Variants in LIMS1 observed in about 807,000 individuals in gnomAD.
LIMS1 encodes LIM zinc finger domain containing 1, also known as LIM and senescent cell antigen-like-containing domain protein 1.
LIMS1 carries 18 observed loss-of-function variants against 44.1 expected under a neutral mutation model. That is an observed-to-expected ratio of 0.41 (90% CI 0.28 to 0.61). The LOEUF is 0.61. Among genes scored for constraint, LIMS1 ranks in the 20% least tolerant of loss-of-function variants. The pLI, the probability that LIMS1 is intolerant of heterozygous loss-of-function variation, is 0.32. For missense variants in LIMS1, 201 were observed against 422.0 expected (o/e 0.48, Z 4.59); for synonymous variants, 93 against 149.1 (o/e 0.62, Z 2.74).
intron 1 of LIMS1, among the ~76,000 whole-genome samples, chr2:108,637,705 G>T (rs757977649): frequency 2.1e-4 from 32 of 152,252 alleles, no homozygotes; most frequent in Non-Finnish European, 2.2e-4. Flanking sequence ...CTGTTTAGGT[G>T]TGAGAATGTA....
intron 1 of LIMS1, among the ~76,000 whole-genome samples, chr2:108,626,042 A>G (rs755115074): frequency 7.9e-5 from 12 of 152,210 alleles, no homozygotes; most frequent in Non-Finnish European, 1.5e-4. Context: ...ACTGAAGGCT[A>G]TAAAGGTGGT....
At chr2:108,538,753 G>A (rs1179253356) in intron 1 of LIMS1, among the ~76,000 whole-genome samples, 1 of 152,176 alleles carries the variant, frequency 6.6e-6, no homozygotes, top group Non-Finnish European at 1.5e-5. Flanking sequence ...ATTTTTGAGT[G>A]TACAGTTCTG....
chr2:108,678,567 T>C (rs1692730536), intron 8 of LIMS1: 1 of 155,610 alleles, frequency 6.4e-6, no homozygotes, highest in Non-Finnish European at 1.4e-5. Context: ...AATCCTGTTT[T>C]CAGCATGATT....
At chr2:108,541,465 G>A (rs1355733043) in intron 1 of LIMS1, among the ~76,000 whole-genome samples, 3 of 152,196 alleles carry the variant, frequency 2.0e-5, no homozygotes, top group Non-Finnish European at 4.4e-5. Context: ...CAGGTACAGT[G>A]CAGGTGCACC....
intron 1 of LIMS1, among the ~76,000 whole-genome samples, chr2:108,536,438 G>A (rs1684144479): frequency 6.6e-6 from 1 of 152,206 alleles, no homozygotes; most frequent in Admixed American, 6.5e-5. Flanking sequence ...TGTTGTGCAT[G>A]TCATAGTTTG....
intron 1 of LIMS1, among the ~76,000 whole-genome samples, chr2:108,598,490 T>TAC (rs1448377280): frequency 1.3e-5 from 2 of 152,174 alleles, no homozygotes; most frequent in Non-Finnish European, 2.9e-5. Flanking sequence ...GCTTTGCAGA[T>TAC]ATGAGGCCAG....
chr2:108,676,568 T>A (rs760281657), intron 6 of LIMS1, 38 bp from the exon 7 acceptor site: 1 of 1,537,896 alleles, frequency 6.5e-7, no homozygotes, highest in Admixed American at 2.2e-5. Flanking sequence ...ATATAAAATA[T>A]GGCAATTCAA....
chr2:108,666,701 A>G (rs1236615589), intron 2 of LIMS1, among the ~76,000 whole-genome samples: 2 of 139,920 alleles, frequency 1.4e-5, no homozygotes, highest in African/African-American at 5.3e-5. Context: ...AGGTGGGAAG[A>G]TCATTTGAGC....
At chr2:108,683,830 C>A in intron 9 of LIMS1, 55 bp from the exon 10 acceptor site, 4 of 928,066 alleles carry the variant, frequency 4.3e-6, no homozygotes, top group Non-Finnish European at 6.7e-6. Context: ...ATTTATATAT[C>A]TTTGTTGAAT....
At chr2:108,558,395 G>C (rs905155850) in intron 1 of LIMS1, among the ~76,000 whole-genome samples, 4 of 151,706 alleles carry the variant, frequency 2.6e-5, no homozygotes, top group Non-Finnish European at 5.9e-5. Context: ...TTTTTTAGTA[G>C]AGATGGGGTT....
At chr2:108,677,557 A>G (rs10189626) in intron 7 of LIMS1, 351 of 182,490 alleles carry the variant, frequency 1.9e-3, no homozygotes, top group African/African-American at 7.7e-3. Flanking sequence ...TTCCTCATCA[A>G]CCTGCCCTAG....
At chr2:108,539,301 TG>T (rs1684242859) in intron 1 of LIMS1, among the ~76,000 whole-genome samples, 1 of 152,198 alleles carries the variant, frequency 6.6e-6, no homozygotes, top group African/African-American at 2.4e-5. Flanking sequence ...CCCAGCCTAG[TG>T]TTGAATTCCT....
At chr2:108,628,828 T>C (rs1035939544) in intron 1 of LIMS1, among the ~76,000 whole-genome samples, 1 of 152,216 alleles carries the variant, frequency 6.6e-6, no homozygotes, top group Non-Finnish European at 1.5e-5. Context: ...TCTTGTTTTT[T>C]CTGAGACAGG....
intron 1 of LIMS1, among the ~76,000 whole-genome samples, chr2:108,589,979 G>A (rs760126600): frequency 2.0e-5 from 3 of 152,166 alleles, no homozygotes; most frequent in Non-Finnish European, 4.4e-5. Flanking sequence ...TTCTGTTGCT[G>A]TTGGGTGGAA....
chr2:108,552,819 C>A (rs1380730510), intron 1 of LIMS1, among the ~76,000 whole-genome samples: 2 of 151,998 alleles, frequency 1.3e-5, no homozygotes, highest in African/African-American at 4.8e-5. Context: ...CTCAAGCAAT[C>A]CTTTCAGCTT....
chr2:108,601,353 AG>A (rs1687005828), intron 1 of LIMS1, among the ~76,000 whole-genome samples: 1 of 152,148 alleles, frequency 6.6e-6, no homozygotes, highest in Non-Finnish European at 1.5e-5. Flanking sequence ...GTGCACAGCG[AG>A]GGAAGGTCTC....
intron 1 of LIMS1, among the ~76,000 whole-genome samples, chr2:108,592,716 C>T (rs1686472395): frequency 6.6e-6 from 1 of 152,054 alleles, no homozygotes; most frequent in Admixed American, 6.5e-5. Flanking sequence ...GTTGAAAGAC[C>T]TTGGGTTTAA....
At position 108,585,821 on chromosome 2, in the gene LIMS1, T is replaced by G. The variant is rs142790721; in HGVS notation, c.32+51227T>G. Among the ~76,000 whole-genome samples the G allele has an allele frequency of 3.1e-3, 467 of 152,292 alleles. 2 individuals are homozygous for G. Among genetic ancestry groups the G allele is most frequent in the African/African-American group, 0.011 (444 of 41,558 alleles). ...GAAAAATGCCTTCTGGATTTGGCTTTTAAGAGCTGTGACTGTAAGAGGTGT... is the reference window on the plus strand; with the variant it reads ...GAAAAATGCCTTCTGGATTTGGCTTGTAAGAGCTGTGACTGTAAGAGGTGT... On this transcript the variant is annotated intron_variant, in intron 1 of 9. Coordinates refer to ENST00000544547, the Ensembl canonical transcript of LIMS1.
At chr2:108,605,033 G>A (rs1267315597) in intron 1 of LIMS1, among the ~76,000 whole-genome samples, 1 of 152,222 alleles carries the variant, frequency 6.6e-6, no homozygotes, top group Non-Finnish European at 1.5e-5. Context: ...AGCCTCACCT[G>A]CAGCTGCAGC....
Sources: allele counts gnomAD v4.1 joint callset (sites outside exome capture counted in the v4.1 genomes callset), GRCh38; gene constraint gnomAD v4.1.1; transcripts MANE v1.5; gene names NCBI Gene and HGNC (gene_info 2026-07-23, HGNC 2026-07-21).